Variants in DAAM2 observed in about 807,000 individuals in gnomAD.
The protein encoded by DAAM2 is disheveled-associated activator of morphogenesis 2.
In DAAM2, 39 loss-of-function variants were observed where a neutral mutation model predicts 120.7. The observed-to-expected ratio is 0.32, with a 90% CI of 0.25 to 0.42. The LOEUF is 0.42. DAAM2 is among the 10% of genes least tolerant of loss of function. The pLI, the probability that DAAM2 is intolerant of heterozygous loss-of-function variation, is 1.00. For missense variants in DAAM2, 1,283 were observed against 1,401.7 expected, an observed-to-expected ratio of 0.92 and a Z score of 1.35; for synonymous variants, 488 against 524.9, an observed-to-expected ratio of 0.93 and a Z score of 0.96.
rs763834230 is a variant in DAAM2, at chr6:39,873,367, G to A, written c.1162+12G>A. 6.7e-5 allele frequency: 105 copies of A among 1,565,896 alleles called. No homozygotes were observed. Among genetic ancestry groups the A allele is most frequent in the Non-Finnish European group, 9.2e-5 (105 of 1,138,434 alleles). On this transcript the variant is annotated intron_variant, in intron 10 of 24. Transcript: ENST00000274867. ...CCTGCAGATGCCCTGTAAGTACCCT[G>A]CACTTGCTGCTTCCCTCGACTGGCC... is the stretch of plus-strand genomic sequence containing the variant.
At chr6:39,885,059 G>C (rs940665885) in intron 15 of DAAM2, 1 of 152,288 alleles carries the variant, frequency 6.6e-6, no homozygotes, top group Non-Finnish European at 1.5e-5. Context: ...AGTCTTGAGG[G>C]TTTCCCTGGG....
chr6:39,898,277 T>C (rs934963929), intron 21 of DAAM2, among the ~76,000 whole-genome samples: 1 of 152,252 alleles, frequency 6.6e-6, no homozygotes, highest in African/African-American at 2.4e-5. Flanking sequence ...TGAGGGGCTC[T>C]GCAGGGGCAG....
rs1764954063 is a variant in DAAM2 at position 39,878,294 on chromosome 6, C to T, written c.1360+33C>T. ...GCTCTGCTTAAGCCTGCTGTCCACT[C>T]CACATGCCCTTCCCCTGCCCAGCCC... is the stretch of plus-strand genomic sequence containing the variant. On this transcript the variant is annotated intron_variant, in intron 12 of 24. Transcript: ENST00000274867. This position sits in a 1 kb window ranked among gnomAD's most constrained non-coding sequence, Gnocchi z 5.0. 1 of 1,613,270 alleles carries T rather than the reference C, an allele frequency of 6.2e-7. No individual in the cohort carries two copies. The highest frequency in any genetic ancestry group is 1.1e-5 in the South Asian group (1 of 90,972).
intron 2 of DAAM2, among the ~76,000 whole-genome samples, chr6:39,858,491 G>T (rs537831850): frequency 3.2e-4 from 48 of 152,314 alleles, no homozygotes; most frequent in African/African-American, 1.1e-3. Flanking sequence ...TTTCTGACAT[G>T]AAGTGTTGGA....
rs1764956537 is a variant in DAAM2, at chr6:39,878,328, A to G, written c.1360+67A>G. 6.2e-7 allele frequency: 1 copy of G among 1,608,854 alleles called. No individual in the cohort carries two copies. The highest frequency in any genetic ancestry group is 8.5e-7 in the Non-Finnish European group (1 of 1,176,032). ...CTTCCCCTGCCCAGCCCATAACTCCATGCCCTTCCAGGCAGGGAGTCACAT... is the reference window on the plus strand; with the variant it reads ...CTTCCCCTGCCCAGCCCATAACTCCGTGCCCTTCCAGGCAGGGAGTCACAT... On this transcript the variant is annotated intron_variant, in intron 12 of 24. Transcript: ENST00000274867. The surrounding 1 kb of genome is among the most constrained non-coding windows in gnomAD (Gnocchi z 5.0).
In DAAM2 at chr6:39,868,808, T is replaced by G; in HGVS notation, c.763-15T>G. 6.4e-7 allele frequency: 1 copy of G among 1,559,256 alleles called. No individual in the cohort carries two copies. The highest frequency in any genetic ancestry group is 8.7e-7 in the Non-Finnish European group (1 of 1,149,658). ...TCAGCCCTCTCCTCCTGCTCTGTCC[T>G]GCATTTCCACCTAGACCCTGCTGAA... On this transcript the variant is annotated splice_polypyrimidine_tract_variant and intron_variant, in intron 6 of 24. Transcript: ENST00000274867.
At chr6:39,887,383 C>G in intron 15 of DAAM2, 103 bp from the exon 16 acceptor site, 1 of 754,742 alleles carries the variant, frequency 1.3e-6, no homozygotes, top group South Asian at 1.6e-5. Context: ...TCCCCTCACA[C>G]CAGGAGCATT....
intron 1 of DAAM2, among the ~76,000 whole-genome samples, chr6:39,793,635 T>C (rs927076040): frequency 1.3e-5 from 2 of 152,024 alleles, no homozygotes; most frequent in Non-Finnish European, 2.9e-5. Context: ...CTGAGTTTGG[T>C]GTTAGTTTCC....
At chr6:39,873,810 C>T (rs1043207214) in intron 10 of DAAM2, among the ~76,000 whole-genome samples, 1 of 152,168 alleles carries the variant, frequency 6.6e-6, no homozygotes, top group Non-Finnish European at 1.5e-5. Context: ...ACTCTTGCCC[C>T]TGCTTCTGCC....
At chr6:39,860,432 G>A (rs11755202) in intron 2 of DAAM2, among the ~76,000 whole-genome samples, 8,049 of 152,268 alleles carry the variant, frequency 0.053, 317 homozygotes, top group Middle Eastern at 0.11. Flanking sequence ...GCCAGAGAAT[G>A]TCTAGGGCAG....
intron 1 of DAAM2, among the ~76,000 whole-genome samples, chr6:39,832,086 G>A (rs1454342213): frequency 6.6e-6 from 1 of 150,626 alleles, no homozygotes; most frequent in African/African-American, 2.5e-5. Context: ...GTGCACTGGG[G>A]GAACAGGTGT....
intron 1 of DAAM2, among the ~76,000 whole-genome samples, chr6:39,853,810 G>A (rs555695765): frequency 2.6e-5 from 4 of 152,338 alleles, no homozygotes; most frequent in African/African-American, 7.2e-5. Flanking sequence ...CCTGAACAAA[G>A]CAGTCTTGCT....
intron 15 of DAAM2, chr6:39,886,716 A>G: frequency 2.7e-6 from 1 of 364,198 alleles, no homozygotes; most frequent in Non-Finnish European, 4.9e-6. Context: ...CACCAGGCCA[A>G]AGGAGAGCCT....
chr6:39,878,652 C>A lies in DAAM2; in HGVS notation c.1545+64C>A, dbSNP rs1018781338. The A allele has an allele frequency of 1.1e-5, 16 of 1,504,152 alleles. No homozygotes were observed. The South Asian group carries it at 2.1e-4, about 19-fold the overall frequency. The allele number at this position is 1,504,152 out of a possible 1,614,324, so 93.2% of individuals were successfully genotyped here. On this transcript the variant is annotated intron_variant, in intron 13 of 24. Coordinates refer to ENST00000274867, the MANE Select transcript of DAAM2 (RefSeq NM_001201427.2). The surrounding 1 kb of genome is among the most constrained non-coding windows in gnomAD (Gnocchi z 5.0). The stretch of plus-strand genomic sequence containing the variant: ...ACCCTGGGCTTCAGGACTGGGTGGG[C>A]AGAGCAGGTGTCGGAGAGGCCAAGG...
chr6:39,877,489 C>A (rs1380296743), intron 11 of DAAM2, among the ~76,000 whole-genome samples: 1 of 152,186 alleles, frequency 6.6e-6, no homozygotes, highest in Non-Finnish European at 1.5e-5. Flanking sequence ...GAAATGTCTT[C>A]ATGAAATACT....
At position 39,901,304 on chromosome 6, in the gene DAAM2, C is replaced by A; in HGVS notation, c.2814C>A (p.Phe938Leu). The A allele has an allele frequency of 6.2e-7, 1 of 1,612,810 alleles. No homozygotes were observed. ...AATCCTGTTCTGTCCCTTGACAGTT[C>A]GCCAAGGCCTTGATGCACTTCGGGG... ...EDQLNEARDK[F>L]AKALMHFGEH... The change falls in exon 24 of 25, where the codon TTC becomes TTA. Residue 938 changes from phenylalanine to leucine, a missense_variant and splice_region_variant. Phe to Leu is a conservative substitution (Grantham distance 22). Transcript: ENST00000274867. The surrounding 1 kb of genome is among the most constrained non-coding windows in gnomAD (Gnocchi z 4.5).
intron 14 of DAAM2, chr6:39,883,730 T>G: frequency 8.4e-6 from 4 of 476,218 alleles, no homozygotes; most frequent in Non-Finnish European, 1.5e-5. Context: ...CATGTTTACA[T>G]GTGGCTCCAT....
At chr6:39,869,065 T>C (rs1223628222) in intron 7 of DAAM2, 132 bp downstream of exon 7, 1 of 692,296 alleles carries the variant, frequency 1.4e-6, no homozygotes. Context: ...GTTGCCTACA[T>C]AGGTAGCATC....
At chr6:39,840,119 C>T (rs9462575) in intron 1 of DAAM2, among the ~76,000 whole-genome samples, 21,497 of 151,962 alleles carry the variant, frequency 0.14, 2,985 homozygotes, top group East Asian at 0.35. Flanking sequence ...CCCAGCTACT[C>T]GGGAGGCTGA....
Sources: gnomAD v4.1 joint callset for allele counts (sites outside exome capture counted in the v4.1 genomes callset) on GRCh38, gnomAD v4.1.1 for gene constraint, Gnocchi (gnomAD v3.1) non-coding constraint, MANE v1.5 for transcripts, NCBI Gene and HGNC (gene_info 2026-07-23, HGNC 2026-07-21) for gene names.